The following TBC1D19 variants were observed in gnomAD, a reference collection of about 807,000 sequenced individuals.
TBC1D19 encodes TBC1 domain family member 19.
Under a neutral mutation model 89.0 loss-of-function variants are expected in TBC1D19, and 60 were observed. The ratio of observed to expected loss-of-function variants is 0.67; its 90% confidence interval spans 0.55 to 0.84. The LOEUF is 0.84. Among genes scored for constraint, TBC1D19 ranks in the 40% least tolerant of loss-of-function variants. The probability of loss-of-function intolerance (pLI) is 0.00; values close to 1 mark genes in which losing one functional copy is unlikely to be tolerated. For synonymous variants in TBC1D19, 189 were observed against 199.7 expected, an observed-to-expected ratio of 0.95 and a Z score of 0.45; for missense variants, 500 against 610.8, an observed-to-expected ratio of 0.82 and a Z score of 1.91.
intron 15 of TBC1D19, among the ~76,000 whole-genome samples, chr4:26,727,464 G>A (rs1484074310): frequency 6.6e-6 from 1 of 152,158 alleles, no homozygotes; most frequent in Non-Finnish European, 1.5e-5. Flanking sequence ...TTAGGTTTAA[G>A]CTGATATGTT....
chr4:26,784,485 T>G, the TBC1D19 span, among the ~76,000 whole-genome samples: 1 of 152,204 alleles, frequency 6.6e-6, no homozygotes, highest in African/African-American at 2.4e-5. Flanking sequence ...CAACCTCAGA[T>G]CTTAGGCTAT....
chr4:26,671,791 T>G (rs1712332819), intron 9 of TBC1D19, among the ~76,000 whole-genome samples: 1 of 151,874 alleles, frequency 6.6e-6, no homozygotes, highest in Non-Finnish European at 1.5e-5. Flanking sequence ...CATTTTTGTA[T>G]TATGAGAAGA....
the TBC1D19 span, among the ~76,000 whole-genome samples, chr4:26,798,778 G>T: frequency 0.012 from 1,894 of 151,862 alleles, 31 homozygotes; most frequent in African/African-American, 0.041. Flanking sequence ...CTCAGAAAAA[G>T]AAAACCAAAT....
At chr4:26,699,660 A>C (rs1560481580) in intron 13 of TBC1D19, among the ~76,000 whole-genome samples, 1 of 152,186 alleles carries the variant, frequency 6.6e-6, no homozygotes, top group Non-Finnish European at 1.5e-5. Context: ...TGGCACATAT[A>C]CACCATGGAA....
intron 4 of TBC1D19, among the ~76,000 whole-genome samples, chr4:26,633,838 A>G (rs1052948403): frequency 1.6e-4 from 24 of 152,126 alleles, no homozygotes; most frequent in African/African-American, 5.6e-4. Flanking sequence ...AGCAGAAGCT[A>G]CTTCTTTTGT....
chr4:26,764,922 T>C, the TBC1D19 span, among the ~76,000 whole-genome samples: 1 of 152,138 alleles, frequency 6.6e-6, no homozygotes, highest in South Asian at 2.1e-4. Context: ...TTTTTATTGA[T>C]GTAAAAATGT....
chr4:26,607,261 A>G (rs1741072367), intron 1 of TBC1D19, among the ~76,000 whole-genome samples: 1 of 152,200 alleles, frequency 6.6e-6, no homozygotes. Flanking sequence ...AACTTTTGTC[A>G]TAGATATTTG....
At chr4:26,598,518 C>T (rs1414219691) in intron 1 of TBC1D19, among the ~76,000 whole-genome samples, 1 of 152,196 alleles carries the variant, frequency 6.6e-6, no homozygotes, top group Non-Finnish European at 1.5e-5. Context: ...TCTCAGCCTC[C>T]TGAGCAGCTG....
the TBC1D19 span, among the ~76,000 whole-genome samples, chr4:26,786,587 G>A: frequency 7.9e-5 from 12 of 152,154 alleles, no homozygotes; most frequent in Non-Finnish European, 1.3e-4. Flanking sequence ...CCAACATCGG[G>A]GGGTGGTGCT....
At chr4:26,704,355 G>C (rs1313618678) in intron 13 of TBC1D19, among the ~76,000 whole-genome samples, 1 of 152,122 alleles carries the variant, frequency 6.6e-6, no homozygotes, top group Non-Finnish European at 1.5e-5. Flanking sequence ...ATATTCATAG[G>C]AAAGAATTCA....
chr4:26,803,989 A>C, the TBC1D19 span, among the ~76,000 whole-genome samples: 7 of 152,110 alleles, frequency 4.6e-5, no homozygotes, highest in Non-Finnish European at 1.0e-4. Context: ...ATAGGCAGGC[A>C]AACTCAGCAG....
At chr4:26,687,947 G>A (rs1485800722) in intron 12 of TBC1D19, among the ~76,000 whole-genome samples, 1 of 152,102 alleles carries the variant, frequency 6.6e-6, no homozygotes, top group Admixed American at 6.6e-5. Context: ...AAGATATTTG[G>A]TCTTTTGTGG....
the TBC1D19 span, among the ~76,000 whole-genome samples, chr4:26,812,009 T>A: frequency 1.2e-4 from 18 of 152,200 alleles, no homozygotes. This position sits in a 1 kb window ranked among gnomAD's most constrained non-coding sequence, Gnocchi z 4.2. Context: ...CAGCCTTATT[T>A]TACCCAGCTC....
At chr4:26,672,282 C>G in intron 10 of TBC1D19, 95 bp downstream of exon 10, 1 of 1,051,366 alleles carries the variant, frequency 9.5e-7, no homozygotes, top group Middle Eastern at 2.7e-4. Context: ...AATTTAATCT[C>G]TGAAAAGTGA....
At chr4:26,831,502 G>A in the TBC1D19 span, among the ~76,000 whole-genome samples, 1 of 151,844 alleles carries the variant, frequency 6.6e-6, no homozygotes, top group African/African-American at 2.4e-5. Flanking sequence ...TGCAAAACCA[G>A]GTGGAAGGCC....
chr4:26,786,310 T>C, the TBC1D19 span, among the ~76,000 whole-genome samples: 1 of 152,114 alleles, frequency 6.6e-6, no homozygotes, highest in African/African-American at 2.4e-5. Flanking sequence ...GGACACCAGA[T>C]CCCAGTTCTT....
chr4:26,662,094 G>A (rs1745255602), intron 8 of TBC1D19, among the ~76,000 whole-genome samples: 1 of 152,086 alleles, frequency 6.6e-6, no homozygotes, highest in African/African-American at 2.4e-5. Context: ...AATATAGTGG[G>A]GACATTTCTC....
chr4:26,710,043 T>G (rs1716047005), intron 13 of TBC1D19, among the ~76,000 whole-genome samples: 1 of 152,032 alleles, frequency 6.6e-6, no homozygotes, highest in Non-Finnish European at 1.5e-5. Context: ...TTTTATTTTT[T>G]ATTATACTTT....
chr4:26,739,040 G>A (rs1718198204), intron 16 of TBC1D19, among the ~76,000 whole-genome samples: 1 of 152,086 alleles, frequency 6.6e-6, no homozygotes, highest in South Asian at 2.1e-4. Flanking sequence ...TAATGCAGTT[G>A]TATCTATCTG....
Sources: gnomAD v4.1 joint callset for allele counts (sites outside exome capture counted in the v4.1 genomes callset) on GRCh38, gnomAD v4.1.1 for gene constraint, Gnocchi (gnomAD v3.1) non-coding constraint, MANE v1.5 for transcripts, NCBI Gene and HGNC (gene_info 2026-07-23, HGNC 2026-07-21) for gene names.